ZBTB4: variants seen among roughly 807,000 people sequenced by gnomAD.
ZBTB4 encodes zinc finger and BTB domain-containing protein 4.
In ZBTB4, 14 loss-of-function variants were observed where a neutral mutation model predicts 59.8. The ratio of observed to expected loss-of-function variants is 0.23; its 90% CI spans 0.15 to 0.37. The LOEUF (loss-of-function observed/expected upper bound fraction) is 0.37, where lower values mean the gene tolerates loss of function less well. Ranked by LOEUF, ZBTB4 falls within the 10% of genes least tolerant of loss-of-function variation. The probability of loss-of-function intolerance (pLI) is 1.00; values close to 1 mark genes in which losing one functional copy is unlikely to be tolerated. For synonymous variants in ZBTB4, 587 were observed against 575.2 expected, an observed-to-expected ratio of 1.02 and a Z score of -0.29; for missense variants, 1,198 against 1,380.8, an observed-to-expected ratio of 0.87 and a Z score of 2.10.
Position 7,466,174 on chromosome 17 carries a change from C to G in ZBTB4, c.628G>C (p.Ala210Pro). The change falls in exon 3 of 4, where the codon GCT (alanine) becomes CCT (proline). Residue 210 changes from alanine (A) to proline (P), a missense_variant. By Grantham distance (27) the Ala-to-Pro change is conservative. Transcript: ENST00000380599. This position sits in a 1 kb window ranked among gnomAD's most constrained non-coding sequence, Gnocchi z 9.1. ...GCCCTGTCACCCTCCCACTCCCCAG[C>G]TGGCCTGGGCCCGGGCCCAAAGCTG... ...EDSFGPGPRP[A>P]GEWEGDRAEA... 3.1e-6 allele frequency: 5 copies of G among 1,613,196 alleles called. No homozygotes were observed. In the East Asian group the frequency reaches 1.1e-4, roughly 36 times the overall value.
Position 7,466,476 on chromosome 17 carries a change from G to A in ZBTB4, c.326C>T (p.Ser109Phe). ...GGGAGAGGCTGGAGGGGGAGAGGAA[G>A]AGGAAGAGGAAGAAGAAGAAGAAGC... Reference protein sequence around the residue: ...SSASSSSSSSSSSPPPASPPA... With the variant: ...SSASSSSSSSFSSPPPASPPA... Residue 109 changes from serine (S) to phenylalanine (F), a missense_variant, in exon 3 of 4, where the codon TCT becomes TTT. Ser to Phe is a radical substitution (Grantham distance 155). Around this residue, in one of 9 missense-constraint regions of ZBTB4, gnomAD observed 83 missense variants for 76.5 expected, o/e 1.09. Transcript: ENST00000380599. The surrounding 1 kb of genome is among the most constrained non-coding windows in gnomAD (Gnocchi z 9.1). The A allele has an allele frequency of 6.2e-7, 1 of 1,609,928 alleles. No individual in the cohort carries two copies.
chr17:7,464,210 A>G (rs757615442), intron 3 of ZBTB4, among the ~76,000 whole-genome samples: 7 of 152,178 alleles, frequency 4.6e-5, no homozygotes, highest in Non-Finnish European at 8.8e-5. Flanking sequence ...TGCTCGGAAT[A>G]GTGTAATGAC....
chr17:7,465,244 G>C (rs1487859323), intron 3 of ZBTB4, among the ~76,000 whole-genome samples: 4 of 151,566 alleles, frequency 2.6e-5, no homozygotes, highest in African/African-American at 9.7e-5. Flanking sequence ...AGATCACGAG[G>C]TCAGGAGTTC....
intron 1 of ZBTB4, among the ~76,000 whole-genome samples, chr17:7,472,521 G>A (rs1211374828): frequency 6.6e-6 from 1 of 151,824 alleles, no homozygotes; most frequent in African/African-American, 2.4e-5. Context: ...AGTAGAGGTG[G>A]GGTTTCACCA....
intron 1 of ZBTB4, among the ~76,000 whole-genome samples, chr17:7,468,041 A>T (rs2070150922): frequency 6.6e-6 from 1 of 151,902 alleles, no homozygotes; most frequent in Non-Finnish European, 1.5e-5. Flanking sequence ...CAGAATCACA[A>T]CTCCTACCTC....
chr17:7,478,047 T>C (rs2241235), intron 1 of ZBTB4, among the ~76,000 whole-genome samples: 20,615 of 152,004 alleles, frequency 0.14, 1,689 homozygotes, highest in East Asian at 0.42. Flanking sequence ...CACCGCCACT[T>C]AAGCACACAG....
At chr17:7,483,122 G>C (rs1178370448), upstream of ZBTB4, 6 of 1,494,388 alleles carry the variant, frequency 4.0e-6, no homozygotes, top group African/African-American at 2.8e-5. Context: ...ATACCTCTCA[G>C]AGTCAAGGGT....
Position 7,462,544 on chromosome 17 carries a change from T to A in ZBTB4, c.2438A>T (p.Asp813Val), listed in dbSNP as rs145141617. ...SKGSAGTRPG[D>V]VKEEAPQEMQ... ...CTCTTGGGGGGCTTCCTCCTTGACA[T>A]CCCCGGGCCTGGTGCCAGCGCTGCC... Residue 813 changes from aspartate to valine, a missense_variant, in exon 4 of 4, where the codon GAT becomes GTT. Physicochemically the swap from Asp to Val is radical, Grantham distance 152. This residue lies in a region of ZBTB4 where 550 missense variants were observed against 541.8 expected (regional missense o/e 1.02). Coordinates refer to ENST00000380599, the MANE Select transcript of ZBTB4 (RefSeq NM_001128833.2). This position sits in a 1 kb window ranked among gnomAD's most constrained non-coding sequence, Gnocchi z 7.5. The A allele has an allele frequency of 5.6e-6, 9 of 1,613,648 alleles. No homozygotes were observed. The highest frequency in any genetic ancestry group is 2.7e-5 in the African/African-American group (2 of 74,890).
At chr17:7,475,238 G>C (rs1054990525) in intron 1 of ZBTB4, among the ~76,000 whole-genome samples, 1 of 151,630 alleles carries the variant, frequency 6.6e-6, no homozygotes, top group Non-Finnish European at 1.5e-5. Context: ...CTACCCGGGA[G>C]GCTGAGGCAG....
Position 7,466,025 on chromosome 17 carries a change from C to T in ZBTB4, c.777G>A (p.Gly259=), listed in dbSNP as rs773650197. 6.2e-7 allele frequency: 1 copy of T among 1,607,904 alleles called. No homozygotes were observed. Among genetic ancestry groups the T allele is most frequent in the East Asian group, 2.2e-5 (1 of 44,742 alleles). Residue 259 remains glycine, a synonymous_variant, in exon 3 of 4, where the codon GGG becomes GGA. Coordinates refer to ENST00000380599, the MANE Select transcript of ZBTB4 (RefSeq NM_001128833.2). The surrounding 1 kb of genome is among the most constrained non-coding windows in gnomAD (Gnocchi z 9.1). ...LQTHEAQCRR[G]ASTRGSTGLG... ...GCCCTGTAGACCCCCGCGTGCTGGC[C>T]CCTCGTCGGCACTGGGCCTCATGGG...
intron 1 of ZBTB4, among the ~76,000 whole-genome samples, chr17:7,479,250 C>T (rs1439474965): frequency 6.6e-6 from 1 of 152,130 alleles, no homozygotes; most frequent in Admixed American, 6.5e-5. Flanking sequence ...CATACCAGGG[C>T]CCCCTTAGTC....
Position 7,462,791 on chromosome 17 carries a change from A to T in ZBTB4, c.2191T>A (p.Cys731Ser). 6.2e-7 allele frequency: 1 copy of T among 1,602,474 alleles called. No individual in the cohort carries two copies. The highest frequency in any genetic ancestry group is 1.3e-5 in the African/African-American group (1 of 75,032). The change falls in exon 4 of 4, where the codon TGT (cysteine) becomes AGT (serine). Residue 731 changes from cysteine (C) to serine (S), a missense_variant. Physicochemically the swap from Cys to Ser is moderately radical, Grantham distance 112 (BLOSUM62 -1). This residue lies in a region of ZBTB4 where 550 missense variants were observed against 541.8 expected (regional missense o/e 1.02). Coordinates refer to ENST00000380599, the MANE Select transcript of ZBTB4 (RefSeq NM_001128833.2). This position sits in a 1 kb window ranked among gnomAD's most constrained non-coding sequence, Gnocchi z 7.5. ...RTERRHRCGDCAQTFTTLRKL... is the reference protein window; with the variant it reads ...RTERRHRCGDSAQTFTTLRKL... ...CTCAGGGTGGTGAAGGTCTGGGCACAGTCCCCGCATCGGTGCCTCCGCTCT... is the reference window on the plus strand; with the variant it reads ...CTCAGGGTGGTGAAGGTCTGGGCACTGTCCCCGCATCGGTGCCTCCGCTCT...
At chr17:7,481,431 C>A, upstream of ZBTB4, 1 of 1,380,504 alleles carries the variant, frequency 7.2e-7, no homozygotes, top group East Asian at 2.9e-5. Flanking sequence ...AGAACCCCAC[C>A]CCCACTCCAA....
In ZBTB4 at chr17:7,462,305, ATTTTC is replaced by A; in HGVS notation, c.2672_2676del (p.Gly891ValfsTer4). 6.2e-7 allele frequency: 1 copy of A among 1,613,280 alleles called. No individual in the cohort carries two copies. The highest frequency in any genetic ancestry group is 8.5e-7 in the Non-Finnish European group (1 of 1,179,728). ...GCCCCCACTGGCCCTTCACTCCCAG[ATTTTC>A]CCCTGCCACCGCCAGGTTCCCGGCC... On this transcript the variant is annotated frameshift_variant, in exon 4 of 4. Transcript: ENST00000380599. LOFTEE classifies it high-confidence loss of function. The surrounding 1 kb of genome is among the most constrained non-coding windows in gnomAD (Gnocchi z 7.5).
At position 7,462,933 on chromosome 17, in the gene ZBTB4, A is replaced by G; in HGVS notation, c.2049T>C (p.Ser683=). The change falls in exon 4 of 4, where the codon AGT becomes AGC. Residue 683 remains serine (S), a synonymous_variant. Transcript: ENST00000380599. This position sits in a 1 kb window ranked among gnomAD's most constrained non-coding sequence, Gnocchi z 7.5. ...KRKAGAAGGA[S]VGGSGLPRGR... is the part of the protein sequence containing the mutation. ...CTCGGGGCAGCCCACTGCCCCCCAC[A>G]CTGGCACCTCCAGCAGCTCCAGCCT... 6.2e-7 allele frequency: 1 copy of G among 1,609,228 alleles called. No homozygotes were observed. Among genetic ancestry groups the G allele is most frequent in the Non-Finnish European group, 8.5e-7 (1 of 1,178,856 alleles).
chr17:7,481,518 T>C, upstream of ZBTB4: 1 of 1,559,912 alleles, frequency 6.4e-7, no homozygotes, highest in South Asian at 1.2e-5. Flanking sequence ...CAAGGAAAGA[T>C]GGTGAGTGTG....
chr17:7,480,938 TC>T (rs33920473), upstream of ZBTB4, among the ~76,000 whole-genome samples: 110,821 of 151,624 alleles, frequency 0.73, 41,114 homozygotes, highest in East Asian at 0.91. Flanking sequence ...GTGGGGTGGA[TC>T]ACTTGAGGTA....
chr17:7,473,652 T>C (rs139714820), intron 1 of ZBTB4, among the ~76,000 whole-genome samples: 220 of 151,550 alleles, frequency 1.5e-3, no homozygotes, highest in African/African-American at 5.1e-3. Flanking sequence ...GCTCAAATGA[T>C]CCTCTCACCT....
At chr17:7,478,785 C>A (rs577895924) in intron 1 of ZBTB4, among the ~76,000 whole-genome samples, 1 of 152,358 alleles carries the variant, frequency 6.6e-6, no homozygotes, top group African/African-American at 2.4e-5. Context: ...CTCTGCCCCA[C>A]AACACTGGAC....
Sources: gnomAD v4.1 joint callset for allele counts (sites outside exome capture counted in the v4.1 genomes callset) on GRCh38, gnomAD v4.1.1 for gene constraint, gnomAD v4.1.1 regional missense constraint, Gnocchi (gnomAD v3.1) non-coding constraint, MANE v1.5 for transcripts, NCBI Gene and HGNC (gene_info 2026-07-23, HGNC 2026-07-21) for gene names.